CRADD: variants seen among roughly 807,000 people sequenced by gnomAD.
CRADD encodes the protein death domain-containing protein CRADD.
A neutral mutation model predicts 15.5 loss-of-function variants in CRADD; 9 were observed. That is an observed-to-expected ratio of 0.58 (90% CI 0.35 to 1.01). The LOEUF is 1.01. Ranked by LOEUF, CRADD falls within the 50% of genes least tolerant of loss-of-function variation. CRADD has a pLI of 0.02. For missense variants in CRADD, 227 were observed against 250.3 expected, an observed-to-expected ratio of 0.91 and a Z score of 0.63; for synonymous variants, 118 against 107.6, an observed-to-expected ratio of 1.10 and a Z score of -0.60.
At chr12:93,869,260 A>C (rs956821988) in intron 2 of CRADD, among the ~76,000 whole-genome samples, 2 of 152,232 alleles carry the variant, frequency 1.3e-5, no homozygotes, top group African/African-American at 2.4e-5. Context: ...CACAGGATTA[A>C]GGTTATCCAC....
chr12:93,764,065 A>G (rs528340428), intron 2 of CRADD, among the ~76,000 whole-genome samples: 15 of 152,196 alleles, frequency 9.9e-5, no homozygotes, highest in African/African-American at 3.6e-4. Context: ...GGGTCCCAAG[A>G]TGATGCTGGA....
intron 2 of CRADD, among the ~76,000 whole-genome samples, chr12:93,712,912 A>G (rs946320759): frequency 2.0e-5 from 3 of 152,070 alleles, no homozygotes; most frequent in Admixed American, 2.0e-4. Flanking sequence ...TCAGGTGACT[A>G]CTGAGCTTGG....
chr12:93,717,799 G>A (rs1161176522), intron 2 of CRADD, among the ~76,000 whole-genome samples: 1 of 152,164 alleles, frequency 6.6e-6, no homozygotes, highest in Non-Finnish European at 1.5e-5. Flanking sequence ...AGGATTACAG[G>A]TATGAGCCGC....
chr12:93,762,325 G>A (rs1956976326), intron 2 of CRADD, among the ~76,000 whole-genome samples: 1 of 152,248 alleles, frequency 6.6e-6, no homozygotes, highest in African/African-American at 2.4e-5. Flanking sequence ...TCAGAAGGCT[G>A]CTTCCTTGTC....
At chr12:93,726,867 C>T (rs1428329470) in intron 2 of CRADD, among the ~76,000 whole-genome samples, 2 of 152,124 alleles carry the variant, frequency 1.3e-5, no homozygotes, top group Non-Finnish European at 2.9e-5. Context: ...TGGAAGGTCT[C>T]TTGTAACTGA....
chr12:93,715,086 A>G (rs1956139230), intron 2 of CRADD, among the ~76,000 whole-genome samples: 1 of 152,082 alleles, frequency 6.6e-6, no homozygotes, highest in Non-Finnish European at 1.5e-5. Flanking sequence ...TTCTTTCACT[A>G]AGTGGTTTTA....
intron 2 of CRADD, among the ~76,000 whole-genome samples, chr12:93,841,997 T>TA (rs917893690): frequency 2.3e-4 from 35 of 151,606 alleles, no homozygotes; most frequent in African/African-American, 5.6e-4. Flanking sequence ...CCGTCGTAAA[T>TA]AAAAAAAAAT....
chr12:93,789,081 T>A (rs1957320199), intron 2 of CRADD, among the ~76,000 whole-genome samples: 1 of 152,064 alleles, frequency 6.6e-6, no homozygotes, highest in Non-Finnish European at 1.5e-5. Flanking sequence ...TCCTTTTTTT[T>A]ATTTTTTAAT....
intron 2 of CRADD, among the ~76,000 whole-genome samples, chr12:93,714,040 A>C (rs1956120885): frequency 6.6e-6 from 1 of 152,206 alleles, no homozygotes; most frequent in African/African-American, 2.4e-5. Context: ...CATTCGTAAA[A>C]GAGATTCTTT....
intron 2 of CRADD, among the ~76,000 whole-genome samples, chr12:93,699,464 G>A (rs1955788609): frequency 6.6e-6 from 1 of 152,186 alleles, no homozygotes; most frequent in African/African-American, 2.4e-5. Context: ...TTGGCATGAT[G>A]AGATAATGTT....
chr12:93,813,577 G>A (rs1464726121), intron 2 of CRADD, among the ~76,000 whole-genome samples: 1 of 151,990 alleles, frequency 6.6e-6, no homozygotes, highest in Non-Finnish European at 1.5e-5. Context: ...TGTTTCTTCT[G>A]TCCCACCTGT....
intron 2 of CRADD, among the ~76,000 whole-genome samples, chr12:93,762,070 A>G (rs538856090): frequency 1.8e-4 from 27 of 152,368 alleles, no homozygotes; most frequent in South Asian, 6.2e-4. Flanking sequence ...GAAGAGCCCA[A>G]TAAGCTTAAA....
At chr12:93,874,571 G>A (rs1438239150) in intron 2 of CRADD, among the ~76,000 whole-genome samples, 1 of 151,866 alleles carries the variant, frequency 6.6e-6, no homozygotes, top group African/African-American at 2.4e-5. Context: ...AGCACTTATA[G>A]CTGTAAGTTT....
At chr12:93,886,238 C>G (rs529055539) in intron 2 of CRADD, among the ~76,000 whole-genome samples, 2 of 146,504 alleles carry the variant, frequency 1.4e-5, no homozygotes. Flanking sequence ...AGTCTTGGCT[C>G]ACTGCAACCT....
exon 3 of CRADD, chr12:93,894,257 T>G: frequency 3.5e-6 from 2 of 571,416 alleles, no homozygotes; most frequent in Non-Finnish European, 6.4e-6. Flanking sequence ...CACAATTCTG[T>G]GTATGTGTGT....
intron 2 of CRADD, among the ~76,000 whole-genome samples, chr12:93,729,633 G>A (rs1956428924): frequency 6.6e-6 from 1 of 151,742 alleles, no homozygotes; most frequent in Non-Finnish European, 1.5e-5. Flanking sequence ...TAAAAATACA[G>A]AATTACCCTG....
At chr12:93,738,769 TAGTA>T (rs1956624253) in intron 2 of CRADD, 2 of 240,384 alleles carry the variant, frequency 8.3e-6, no homozygotes, top group Non-Finnish European at 1.6e-5. Context: ...TAAAAATAAT[TAGTA>T]AGTCACAAAC....
At chr12:93,751,792 A>T (rs1222659191) in intron 2 of CRADD, among the ~76,000 whole-genome samples, 4 of 152,224 alleles carry the variant, frequency 2.6e-5, no homozygotes, top group Admixed American at 6.5e-5. Flanking sequence ...TGAACCCAGG[A>T]GAAGGCGCTG....
intron 2 of CRADD, among the ~76,000 whole-genome samples, chr12:93,766,398 T>TAA (rs1001316010): frequency 1.6e-4 from 24 of 152,326 alleles, no homozygotes; most frequent in African/African-American, 5.8e-4. Context: ...ATGGAATACT[T>TAA]AAAGTAATTA....
Sources: allele counts gnomAD v4.1 joint callset (sites outside exome capture counted in the v4.1 genomes callset), GRCh38; gene constraint gnomAD v4.1.1; transcripts MANE v1.5; gene names NCBI Gene and HGNC (gene_info 2026-07-23, HGNC 2026-07-21).